Variants in LCORL observed in about 807,000 individuals in gnomAD.
The protein encoded by LCORL is ligand-dependent nuclear receptor corepressor-like protein.
Under a neutral mutation model 141.8 loss-of-function variants are expected in LCORL, and 41 were observed. The observed-to-expected ratio is 0.29, with a 90% CI of 0.23 to 0.38. The LOEUF is 0.38. Among genes scored for constraint, LCORL ranks in the 10% least tolerant of loss-of-function variants. The pLI is 1.00. For synonymous variants in LCORL, 618 were observed against 694.1 expected (o/e 0.89, Z 1.72); for missense variants, 1,759 against 2,035.0 (o/e 0.86, Z 2.61).
intron 4 of LCORL, among the ~76,000 whole-genome samples, chr4:17,921,610 G>T (rs766658985): frequency 1.2e-4 from 18 of 152,122 alleles, no homozygotes; most frequent in Non-Finnish European, 2.4e-4. Flanking sequence ...ATAATATTTT[G>T]AAAGGAATTC....
In LCORL at chr4:17,942,672, G is replaced by A. The variant is rs540908014; in HGVS notation, c.430+19231C>T. Among the ~76,000 whole-genome samples, 34 of 152,226 alleles carry A rather than the reference G, an allele frequency of 2.2e-4. 1 individual carries two copies. In the South Asian group the frequency reaches 3.7e-3, roughly 17 times the overall value. Reference sequence around the variant, plus strand: ...CTAATATAACTATGATACTTGCTCAGGGTAATAAAAGATACTGAGAAAATC... The same window carrying A: ...CTAATATAACTATGATACTTGCTCAAGGTAATAAAAGATACTGAGAAAATC... On this transcript the variant is annotated intron_variant, in intron 4 of 7. Transcript: ENST00000635767.
At chr4:17,984,664 G>C (rs1478445836) in intron 1 of LCORL, among the ~76,000 whole-genome samples, 1 of 151,308 alleles carries the variant, frequency 6.6e-6, no homozygotes. Context: ...TCTCTCTTCT[G>C]TATTATCTAG....
Position 17,972,810 on chromosome 4 carries a change from TA to T in LCORL, c.220+9del. ...AAATGACAACTTTTAAATAAAATTT[TA>T]AAAATTACCTTCAAATAAACTGAGG... On this transcript the variant is annotated intron_variant, in intron 2 of 7. Coordinates refer to ENST00000635767, the Ensembl canonical transcript of LCORL. 1 of 1,390,392 alleles carries T rather than the reference TA, an allele frequency of 7.2e-7. No individual in the cohort carries two copies. The highest frequency in any genetic ancestry group is 1.7e-5 in the South Asian group (1 of 58,336). 86.1% of individuals were successfully genotyped at this position (1,390,392 alleles called of 1,614,324 possible).
At chr4:17,972,882 A>C in exon 2 of LCORL, 1 of 1,411,056 alleles carries the variant, frequency 7.1e-7, no homozygotes, top group Non-Finnish European at 9.3e-7. Context: ...AATACTCTCA[A>C]AACCTGTGTT....
chr4:17,961,523 T>C (rs553283641), intron 4 of LCORL, among the ~76,000 whole-genome samples: 5 of 152,242 alleles, frequency 3.3e-5, no homozygotes, highest in African/African-American at 4.8e-5. Flanking sequence ...TTATCAGGCA[T>C]AGCTTTGCAA....
chr4:17,957,726 A>C (rs967820382), intron 4 of LCORL, among the ~76,000 whole-genome samples: 1 of 152,010 alleles, frequency 6.6e-6, no homozygotes, highest in Admixed American at 6.6e-5. Context: ...GTAAGAAAAG[A>C]AGAAAAATCT....
chr4:17,853,656 T>A (rs1239148171), intron 7 of LCORL, among the ~76,000 whole-genome samples: 1 of 152,138 alleles, frequency 6.6e-6, no homozygotes, highest in Non-Finnish European at 1.5e-5. Context: ...AACTCCAAAT[T>A]CTGGATGACA....
intron 4 of LCORL, among the ~76,000 whole-genome samples, chr4:17,949,452 G>A (rs759463043): frequency 2.6e-5 from 4 of 151,938 alleles, no homozygotes; most frequent in Non-Finnish European, 4.4e-5. Flanking sequence ...GCCAACCTTG[G>A]CCCTCTAGCC....
chr4:17,957,478 G>C (rs1210250192), intron 4 of LCORL, among the ~76,000 whole-genome samples: 1 of 151,954 alleles, frequency 6.6e-6, no homozygotes, highest in African/African-American at 2.4e-5. Context: ...AGACAAAGTA[G>C]AAAGAATTTG....
chr4:17,854,407 T>A (rs1424063072), intron 7 of LCORL, among the ~76,000 whole-genome samples: 2 of 152,212 alleles, frequency 1.3e-5, no homozygotes, highest in Non-Finnish European at 2.9e-5. Flanking sequence ...AAGATATCCG[T>A]GTTTTCACTG....
chr4:17,842,474 T>A, exon 8 of LCORL: 1 of 954,890 alleles, frequency 1.0e-6, no homozygotes, highest in South Asian at 1.4e-5. Flanking sequence ...TGAGAGAGAA[T>A]ATATAACAAG....
intron 4 of LCORL, chr4:17,912,725 C>T (rs1452405849): frequency 1.5e-5 from 6 of 399,236 alleles, no homozygotes; most frequent in Non-Finnish European, 2.9e-5. Context: ...GCTCCTCCTG[C>T]ACCTGGAGTC....
chr4:17,927,915 G>A (rs571760470), intron 4 of LCORL, among the ~76,000 whole-genome samples: 2 of 152,162 alleles, frequency 1.3e-5, no homozygotes, highest in South Asian at 2.1e-4. Flanking sequence ...CGGCTGCTAC[G>A]CACCTTCAAT....
At chr4:17,901,786 A>G (rs917364693) in intron 5 of LCORL, among the ~76,000 whole-genome samples, 13 of 152,164 alleles carry the variant, frequency 8.5e-5, no homozygotes, top group African/African-American at 2.9e-4. Context: ...AGGAAAAAAA[A>G]GCATAACAAG....
At chr4:17,883,517 C>A in intron 6 of LCORL, 1 of 1,306,962 alleles carries the variant, frequency 7.7e-7, no homozygotes, top group Non-Finnish European at 9.7e-7. Context: ...TAATTCTGTC[C>A]ACAGTGAAAA....
At chr4:17,908,118 T>C (rs1731949208) in intron 5 of LCORL, among the ~76,000 whole-genome samples, 1 of 152,124 alleles carries the variant, frequency 6.6e-6, no homozygotes, top group Admixed American at 6.6e-5. Context: ...CGGCAACCTC[T>C]GCCTCCTGGA....
chr4:17,850,079 T>C (rs1332942948), intron 7 of LCORL, among the ~76,000 whole-genome samples: 2 of 149,478 alleles, frequency 1.3e-5, no homozygotes, highest in Non-Finnish European at 3.0e-5. Context: ...GCTAGCCATA[T>C]GTAGAAAGCT....
At chr4:17,882,420 TC>T (rs1727697186) in intron 6 of LCORL, 1 of 984,472 alleles carries the variant, frequency 1.0e-6, no homozygotes, top group Non-Finnish European at 1.2e-6. Flanking sequence ...ACTCCATAAA[TC>T]CAACAAGGAT....
At chr4:17,867,980 T>C (rs1026870158) in intron 7 of LCORL, among the ~76,000 whole-genome samples, 1 of 152,178 alleles carries the variant, frequency 6.6e-6, no homozygotes, top group African/African-American at 2.4e-5. Flanking sequence ...ACAGAATGTA[T>C]CTTTATTAAA....
Sources: gnomAD v4.1 joint callset for allele counts (sites outside exome capture counted in the v4.1 genomes callset) on GRCh38, gnomAD v4.1.1 for gene constraint, MANE v1.5 for transcripts, NCBI Gene and HGNC (gene_info 2026-07-23, HGNC 2026-07-21) for gene names.